TLN2: variants seen among roughly 807,000 people sequenced by gnomAD.
TLN2 encodes talin-2.
In TLN2, 118 loss-of-function variants were observed where a neutral mutation model predicts 294.7. That is an observed-to-expected ratio of 0.40 (90% confidence interval 0.34 to 0.47). The LOEUF (loss-of-function observed/expected upper bound fraction) is 0.47. Ranked by LOEUF, TLN2 falls within the 20% of genes least tolerant of loss-of-function variation. The pLI, the probability that TLN2 is intolerant of heterozygous loss-of-function variation, is 0.84. For synonymous variants in TLN2, 1,431 were observed against 1,304.5 expected, an observed-to-expected ratio of 1.10 and a Z score of -2.09; for missense variants, 3,083 against 3,282.2, an observed-to-expected ratio of 0.94 and a Z score of 1.48.
chr15:62,569,000 G>A (rs1232308849), intron 1 of TLN2, among the ~76,000 whole-genome samples: 1 of 152,168 alleles, frequency 6.6e-6, no homozygotes, highest in Non-Finnish European at 1.5e-5. Context: ...GTCGGGCCAT[G>A]CTCCCTCCAA....
chr15:62,435,473 GT>G (rs2035239992), intron 1 of TLN2, among the ~76,000 whole-genome samples: 1 of 151,846 alleles, frequency 6.6e-6, no homozygotes, highest in Non-Finnish European at 1.5e-5. Flanking sequence ...CACTTTTTGT[GT>G]CTGCTGTCTA....
intron 9 of TLN2, among the ~76,000 whole-genome samples, chr15:62,673,072 T>TTTGTGTGTG (rs1555464936): frequency 6.9e-6 from 1 of 144,798 alleles, no homozygotes; most frequent in Non-Finnish European, 1.5e-5. Context: ...CCTAATTTAA[T>TTTGTGTGTG]TGTGTGTGTG....
At chr15:62,700,815 T>G (rs1368900886) in intron 16 of TLN2, among the ~76,000 whole-genome samples, 2 of 152,194 alleles carry the variant, frequency 1.3e-5, no homozygotes, top group Non-Finnish European at 2.9e-5. Flanking sequence ...TTCACTTGAA[T>G]TTTTCTAAAT....
intron 1 of TLN2, among the ~76,000 whole-genome samples, chr15:62,461,979 G>A (rs1478998776): frequency 6.6e-6 from 1 of 152,242 alleles, no homozygotes; most frequent in African/African-American, 2.4e-5. Context: ...GCTCACGCCT[G>A]TAATCCCAGC....
intron 3 of TLN2, among the ~76,000 whole-genome samples, chr15:62,620,878 G>A (rs187633098): frequency 6.1e-5 from 7 of 114,588 alleles, no homozygotes; most frequent in South Asian, 3.0e-4. Flanking sequence ...AGTCTCTGTC[G>A]CCCAGGCTGG....
rs781587041 is a variant in TLN2, at chr15:62,652,109, C to T, written c.339C>T (p.Leu113=). ...ATGATTCCAAGACTGTGGGGGAGCT[C>T]CTGGTCACTATTTGTAGCAGAATAG... ...MVDDSKTVGE[L]LVTICSRIGI... is the part of the protein sequence containing the mutation. The change falls in exon 6 of 59, where the codon CTC becomes CTT. Residue 113 remains leucine (L), a synonymous_variant. Transcript: ENST00000636159. 3 of 1,603,888 alleles carry T rather than the reference C, an allele frequency of 1.9e-6. No homozygotes were observed. In the African/African-American group the frequency reaches 4.0e-5, roughly 21 times the overall value.
intron 1 of TLN2, among the ~76,000 whole-genome samples, chr15:62,414,192 A>ATATATAT (rs66893340): frequency 1.1e-4 from 13 of 122,030 alleles, no homozygotes; most frequent in South Asian, 3.5e-4. Flanking sequence ...ATATATATAT[A>ATATATAT]ATTTGAGAAA....
Position 62,809,949 on chromosome 15 carries a change from A to C in TLN2, c.6688A>C (p.Ser2230Arg). ...GCAAGCATCCTTCCACCCCGATGTC[A>C]GTGACGAGGTGAGAACCAGAGCCTT... ...CKQASFHPDV[S>R]DEVRTRALRF... Residue 2230 changes from serine (S) to arginine (R), a missense_variant, in exon 52 of 59, where the codon AGT becomes CGT. Ser to Arg is a moderately radical substitution (Grantham distance 110). Coordinates refer to ENST00000636159, the MANE Select transcript of TLN2 (RefSeq NM_015059.3). The C allele has an allele frequency of 6.2e-7, 1 of 1,614,068 alleles. No individual in the cohort carries two copies. The highest frequency in any genetic ancestry group is 8.5e-7 in the Non-Finnish European group (1 of 1,180,034).
intron 14 of TLN2, among the ~76,000 whole-genome samples, chr15:62,696,178 G>C (rs8043325): frequency 6.6e-6 from 1 of 152,056 alleles, no homozygotes; most frequent in Non-Finnish European, 1.5e-5. Context: ...GGATCCCCGC[G>C]TGGCTATCGA....
intron 12 of TLN2, among the ~76,000 whole-genome samples, chr15:62,691,138 CTT>C (rs2057870493): frequency 6.6e-6 from 1 of 151,956 alleles, no homozygotes; most frequent in African/African-American, 2.4e-5. Context: ...GGGTTTAAGT[CTT>C]CACTAATTTG....
rs375139763 is a variant in TLN2, at chr15:62,738,206, G to A, written c.3568-8G>A. On this transcript the variant is annotated splice_region_variant and splice_polypyrimidine_tract_variant and intron_variant, in intron 29 of 58. Transcript: ENST00000636159. ...CTTAAAGGTGCTTCTCTCTCTCCAC[G>A]AATTCAGGTGGCTAAAGCCGTCTCA... 25 of 1,612,760 alleles carry A rather than the reference G, an allele frequency of 1.6e-5. No individual in the cohort carries two copies. The highest frequency in any genetic ancestry group is 2.7e-5 in the African/African-American group (2 of 74,910).
At chr15:62,728,142 C>T (rs1348473887) in intron 28 of TLN2, among the ~76,000 whole-genome samples, 7 of 152,118 alleles carry the variant, frequency 4.6e-5, no homozygotes. Context: ...ACTGTATCCC[C>T]ACTCTCCTTC....
chr15:62,727,121 C>T lies in TLN2; in HGVS notation c.3290C>T (p.Ser1097Phe). The T allele has an allele frequency of 6.2e-7, 1 of 1,614,202 alleles. No individual in the cohort carries two copies. Among genetic ancestry groups the T allele is most frequent in the Non-Finnish European group, 8.5e-7 (1 of 1,180,042 alleles). The change falls in exon 28 of 59, where the codon TCC becomes TTC. Residue 1097 changes from serine to phenylalanine, a missense_variant. Ser to Phe is a radical substitution (Grantham distance 155). Coordinates refer to ENST00000636159, the MANE Select transcript of TLN2 (RefSeq NM_015059.3). ...EKCAQDLGST[S>F]KAVGSSMAQL... ...TGTGCTCAGGACCTGGGAAGCACAT[C>T]CAAGGCGGTGGGCTCCTCCATGGCA...
intron 1 of TLN2, among the ~76,000 whole-genome samples, chr15:62,469,479 A>C (rs531878822): frequency 1.3e-5 from 2 of 152,360 alleles, no homozygotes; most frequent in Non-Finnish European, 2.9e-5. Context: ...TGAAGTCCCA[A>C]GCTTTTTTAA....
chr15:62,460,305 G>A (rs888736113), intron 1 of TLN2, among the ~76,000 whole-genome samples: 4 of 141,502 alleles, frequency 2.8e-5, no homozygotes, highest in African/African-American at 1.1e-4. Context: ...TGCTCTTGTT[G>A]CCCAGGCTGG....
intron 1 of TLN2, among the ~76,000 whole-genome samples, chr15:62,520,524 G>C (rs1365099439): frequency 6.6e-6 from 1 of 152,334 alleles, no homozygotes; most frequent in Admixed American, 6.5e-5. Context: ...CATGTTGAAT[G>C]TGTGAGGAAT....
intron 12 of TLN2, among the ~76,000 whole-genome samples, chr15:62,688,263 T>C (rs560653100): frequency 1.3e-5 from 2 of 152,332 alleles, no homozygotes; most frequent in East Asian, 3.9e-4. Context: ...AGTGATTTTT[T>C]CCTTCCTACT....
chr15:62,536,181 A>G (rs1233927766), intron 1 of TLN2, among the ~76,000 whole-genome samples: 1 of 152,186 alleles, frequency 6.6e-6, no homozygotes, highest in Admixed American at 6.5e-5. Context: ...AGTGGTTTAC[A>G]GTGTTTGCTG....
At chr15:62,679,730 CT>C (rs2056626351) in intron 11 of TLN2, among the ~76,000 whole-genome samples, 1 of 152,172 alleles carries the variant, frequency 6.6e-6, no homozygotes, top group South Asian at 2.1e-4. Context: ...CGTATGTGCT[CT>C]TCATCAGGTT....
Sources: gnomAD v4.1 joint callset for allele counts (sites outside exome capture counted in the v4.1 genomes callset) on GRCh38, gnomAD v4.1.1 for gene constraint, MANE v1.5 for transcripts, NCBI Gene and HGNC (gene_info 2026-07-23, HGNC 2026-07-21) for gene names.